TINAG: variants seen among roughly 807,000 people sequenced by gnomAD.
TINAG encodes the protein tubulointerstitial nephritis antigen.
In TINAG, 83 loss-of-function variants were observed where a neutral mutation model predicts 72.7. That is an observed-to-expected ratio of 1.14 (90% CI 0.96 to 1.37). TINAG has a LOEUF of 1.37. Among genes scored for constraint, TINAG ranks in the 40% most tolerant of loss-of-function variants. The pLI is 0.00. For missense variants in TINAG, 685 were observed against 576.6 expected (o/e 1.19, Z -1.93); for synonymous variants, 234 against 189.9 (o/e 1.23, Z -1.91).
intron 9 of TINAG, among the ~76,000 whole-genome samples, chr6:54,379,609 A>T (rs566850678): frequency 6.6e-6 from 1 of 152,206 alleles, no homozygotes; most frequent in African/African-American, 2.4e-5. Flanking sequence ...ATGGTTTATA[A>T]CAGTAGTTCT....
chr6:54,346,505 G>C (rs1298163746), intron 5 of TINAG, among the ~76,000 whole-genome samples: 1 of 151,144 alleles, frequency 6.6e-6, no homozygotes, highest in Non-Finnish European at 1.5e-5. Context: ...CATATAATCA[G>C]TTACATATAT....
At chr6:54,310,703 T>C (rs1426771533) in intron 1 of TINAG, among the ~76,000 whole-genome samples, 4 of 125,858 alleles carry the variant, frequency 3.2e-5, no homozygotes, top group Admixed American at 3.0e-4. Flanking sequence ...TTTTTCTCTC[T>C]CTCTTTCTCT....
At chr6:54,366,881 A>G (rs1245756408) in intron 9 of TINAG, 2 of 151,676 alleles carry the variant, frequency 1.3e-5, no homozygotes, top group Non-Finnish European at 3.0e-5. Context: ...ATAGAATATG[A>G]CATATTAAAG....
At chr6:54,339,000 G>C (rs906592039) in intron 4 of TINAG, among the ~76,000 whole-genome samples, 1 of 152,038 alleles carries the variant, frequency 6.6e-6, no homozygotes, top group African/African-American at 2.4e-5. Context: ...AGTGTTCTAA[G>C]GAACTCATTT....
intron 4 of TINAG, among the ~76,000 whole-genome samples, chr6:54,334,916 G>T (rs1276884743): frequency 6.6e-6 from 1 of 152,088 alleles, no homozygotes; most frequent in African/African-American, 2.4e-5. Context: ...ATGGTTTTGA[G>T]TGACCTAACT....
At chr6:54,383,512 G>A (rs1261229070) in intron 10 of TINAG, among the ~76,000 whole-genome samples, 1 of 151,990 alleles carries the variant, frequency 6.6e-6, no homozygotes, top group Admixed American at 6.6e-5. Context: ...TGCTAAATCT[G>A]GAGAAAAATT....
chr6:54,379,308 T>G (rs942657856), intron 9 of TINAG, among the ~76,000 whole-genome samples: 1 of 152,190 alleles, frequency 6.6e-6, no homozygotes, highest in Non-Finnish European at 1.5e-5. Flanking sequence ...GCTCAACACT[T>G]CCCAGTGTAT....
chr6:54,331,703 G>A (rs1784746311), intron 4 of TINAG, among the ~76,000 whole-genome samples: 1 of 152,216 alleles, frequency 6.6e-6, no homozygotes, highest in Non-Finnish European at 1.5e-5. Flanking sequence ...TGCATATTTA[G>A]AAAACCGCAT....
intron 9 of TINAG, among the ~76,000 whole-genome samples, chr6:54,373,456 TA>T: frequency 6.6e-6 from 1 of 152,166 alleles, no homozygotes. Context: ...TGCCTTTTTC[TA>T]GTTCTAATTT....
At chr6:54,321,004 G>C (rs1252984375) in intron 2 of TINAG, among the ~76,000 whole-genome samples, 2 of 152,116 alleles carry the variant, frequency 1.3e-5, no homozygotes. Flanking sequence ...CTAGCCTGCA[G>C]AAAGTTTCCA....
rs554215844 is a variant in TINAG, at chr6:54,321,361, G to A, written c.484G>A (p.Glu162Lys). The A allele has an allele frequency of 1.2e-6, 2 of 1,613,194 alleles. No individual in the cohort carries two copies. The highest frequency in any genetic ancestry group is 1.7e-6 in the Non-Finnish European group (2 of 1,179,518). ...HVCLVRSELI[E>K]QVNKGDYGWT... The stretch of plus-strand genomic sequence containing the variant: ...ATGCCTTGTTCGTTCAGAATTAATT[G>A]AACAGGTCAATAAAGGAGACTATGG... The change falls in exon 3 of 11, where the codon GAA becomes AAA. Residue 162 changes from glutamate (E) to lysine (K), a missense_variant. Glu to Lys is a moderately conservative substitution (Grantham distance 56). Transcript: ENST00000259782.
At position 54,372,794 on chromosome 6, in the gene TINAG, G is replaced by A. The variant is rs1260965001; in HGVS notation, c.1251-7732G>A. Among the ~76,000 whole-genome samples, 8 of 141,980 alleles carry A rather than the reference G, an allele frequency of 5.6e-5. 1 individual carries two copies. In the Admixed American group the frequency reaches 6.3e-4, roughly 11 times the overall value. 93.1% of individuals were successfully genotyped at this position (141,980 alleles called of 152,430 possible). ...TATACACACACACACACATATACAT[G>A]ACAATTCTGATAATGAATGAACCAA... On this transcript the variant is annotated intron_variant, in intron 9 of 10. Coordinates refer to ENST00000259782, the MANE Select transcript of TINAG (RefSeq NM_014464.4).
intron 5 of TINAG, among the ~76,000 whole-genome samples, chr6:54,346,759 T>C (rs1274304306): frequency 2.6e-5 from 4 of 152,048 alleles, no homozygotes; most frequent in African/African-American, 9.6e-5. Flanking sequence ...AAGTGTGCTA[T>C]GTAGCCTTTA....
chr6:54,385,707 G>A (rs1204705380), intron 10 of TINAG, among the ~76,000 whole-genome samples: 2 of 151,472 alleles, frequency 1.3e-5, no homozygotes, highest in South Asian at 2.1e-4. Flanking sequence ...AATATAGGCC[G>A]ATATCTCTCA....
intron 9 of TINAG, among the ~76,000 whole-genome samples, chr6:54,358,828 C>A (rs1353920257): frequency 6.6e-6 from 1 of 151,856 alleles, no homozygotes; most frequent in Non-Finnish European, 1.5e-5. Context: ...TATGAGATTT[C>A]TTTTTCAGCT....
intron 2 of TINAG, 101 bp downstream of exon 2, chr6:54,320,743 A>G (rs1161138815): frequency 1.0e-5 from 9 of 862,428 alleles, no homozygotes; most frequent in Middle Eastern, 2.5e-4. Flanking sequence ...TTATGTACAT[A>G]TAGGCAGAAT....
At chr6:54,320,947 G>GT (rs897961826) in intron 2 of TINAG, among the ~76,000 whole-genome samples, 3 of 152,110 alleles carry the variant, frequency 2.0e-5, no homozygotes, top group Admixed American at 1.3e-4. Flanking sequence ...GGCAAATTGT[G>GT]TTTTTTGAGC....
At position 54,365,139 on chromosome 6, in the gene TINAG, A is replaced by G. The variant is rs958032434; in HGVS notation, c.1250+10503A>G. Among the ~76,000 whole-genome samples, 8 of 151,528 alleles carry G rather than the reference A, an allele frequency of 5.3e-5. No homozygotes were observed. The Admixed American group carries it at 5.3e-4, about 10-fold the overall frequency. On this transcript the variant is annotated intron_variant, in intron 9 of 10. Transcript: ENST00000259782. Reference sequence around the variant, plus strand: ...AGGTTCTTAATGCATGGGGAAGTCTAAGACAGTTGAATGAACATTTCTACT... The same window carrying G: ...AGGTTCTTAATGCATGGGGAAGTCTGAGACAGTTGAATGAACATTTCTACT...
At chr6:54,371,556 T>C (rs73446621) in intron 9 of TINAG, among the ~76,000 whole-genome samples, 21,385 of 151,638 alleles carry the variant, frequency 0.14, 1,745 homozygotes, top group Non-Finnish European at 0.18. Flanking sequence ...TTTACATTTA[T>C]TTTTAAAATT....
Sources: allele counts gnomAD v4.1 joint callset (sites outside exome capture counted in the v4.1 genomes callset), GRCh38; gene constraint gnomAD v4.1.1; transcripts MANE v1.5; gene names NCBI Gene and HGNC (gene_info 2026-07-23, HGNC 2026-07-21).